The following CGGBP1 variants were observed in gnomAD, a reference collection of about 807,000 sequenced individuals.
The protein encoded by CGGBP1 is CGG triplet repeat-binding protein 1.
In CGGBP1, 4 loss-of-function variants were observed where a neutral mutation model predicts 11.4. The observed-to-expected ratio is 0.35, with a 90% confidence interval of 0.17 to 0.80. The LOEUF (loss-of-function observed/expected upper bound fraction) is 0.80. Ranked by LOEUF, CGGBP1 falls within the 30% of genes least tolerant of loss-of-function variation. CGGBP1 has a pLI of 0.52. For missense variants in CGGBP1, 135 were observed against 202.1 expected (o/e 0.67, Z 2.01); for synonymous variants, 76 against 74.1 (o/e 1.03, Z -0.13).
chr3:88,093,430 A>G (rs1159453295), intron 2 of CGGBP1, among the ~76,000 whole-genome samples: 3 of 152,212 alleles, frequency 2.0e-5, no homozygotes, highest in Non-Finnish European at 4.4e-5. Flanking sequence ...GTTATGGGAC[A>G]GCAGGTATTT....
intron 1 of CGGBP1, among the ~76,000 whole-genome samples, 164 bp downstream of exon 1, chr3:88,058,651 T>A (rs1473638092): frequency 6.6e-6 from 1 of 152,124 alleles, no homozygotes; most frequent in Non-Finnish European, 1.5e-5. Flanking sequence ...GGCAGGCGCC[T>A]GGCGGAGGCG....
rs1179371923 is a variant in CGGBP1, at chr3:88,052,203, GA to G, written c.*3269del. On this transcript the variant is annotated 3_prime_UTR_variant, in exon 4 of 4. Transcript: ENST00000482016. ...CTAGATAAGAATTGTATTTACCTAA[GA>G]AATCTATGATAGTGTGGGTGGAGAT... The G allele has an allele frequency of 2.0e-5, 3 of 152,546 alleles. No homozygotes were observed. Among genetic ancestry groups the G allele is most frequent in the African/African-American group, 7.2e-5 (3 of 41,424 alleles). 9.4% of individuals were successfully genotyped at this position (152,546 alleles called of 1,614,324 possible).
upstream of CGGBP1, chr3:88,059,052 C>T (rs938453687): frequency 5.0e-5 from 30 of 595,172 alleles, no homozygotes; most frequent in Non-Finnish European, 7.7e-5. Flanking sequence ...CAGCATTGAC[C>T]AACAGACGGC....
chr3:88,112,210 T>C (rs1464212721), intron 2 of CGGBP1, among the ~76,000 whole-genome samples: 1 of 151,836 alleles, frequency 6.6e-6, no homozygotes, highest in East Asian at 1.9e-4. Flanking sequence ...TATATAATTT[T>C]AAAAGCATAT....
At chr3:88,135,925 A>G (rs1441928705) in intron 2 of CGGBP1, among the ~76,000 whole-genome samples, 1 of 152,114 alleles carries the variant, frequency 6.6e-6, no homozygotes, top group Non-Finnish European at 1.5e-5. Context: ...TAAATAATAC[A>G]TTTTAATTTT....
At chr3:88,062,717 T>C (rs1706955583), upstream of CGGBP1, among the ~76,000 whole-genome samples, 1 of 152,230 alleles carries the variant, frequency 6.6e-6, no homozygotes, top group Non-Finnish European at 1.5e-5. Flanking sequence ...TTTGATATGT[T>C]GATTGAAATA....
chr3:88,059,517 G>T, upstream of CGGBP1: 1 of 1,463,028 alleles, frequency 6.8e-7, no homozygotes, highest in Non-Finnish European at 9.0e-7. Context: ...TGAGGCGTCC[G>T]TTGGCCGCCC....
chr3:88,129,553 G>T, intron 2 of CGGBP1: 1 of 683,634 alleles, frequency 1.5e-6, no homozygotes, highest in South Asian at 2.7e-5. Flanking sequence ...AAATATTTCT[G>T]TACAAGTCAT....
At chr3:88,059,578 C>T, upstream of CGGBP1, 1 of 1,442,206 alleles carries the variant, frequency 6.9e-7, no homozygotes, top group Non-Finnish European at 9.0e-7. Flanking sequence ...GTCTTCTCGT[C>T]CATGAATCTG....
intron 1 of CGGBP1, among the ~76,000 whole-genome samples, chr3:88,149,512 A>C (rs985298634): frequency 1.3e-5 from 2 of 152,270 alleles, no homozygotes; most frequent in African/African-American, 4.8e-5. Context: ...TATAATGTTA[A>C]ACAAAACTAA....
chr3:88,066,391 T>G (rs1156246724), intron 2 of CGGBP1, among the ~76,000 whole-genome samples: 2 of 151,922 alleles, frequency 1.3e-5, no homozygotes, highest in Admixed American at 1.3e-4. Context: ...CTGGGCAACA[T>G]GGTGAAACCC....
rs1273472302 is a variant in CGGBP1 at position 88,054,033 on chromosome 3, T to C, written c.*1440A>G. ...AAAAAAATCTTAAGACATGGAAAGC[T>C]GTTACTGAAAAATACACAATCTAAC... On this transcript the variant is annotated 3_prime_UTR_variant, in exon 4 of 4. Coordinates refer to ENST00000482016, the MANE Select transcript of CGGBP1 (RefSeq NM_001008390.2). 2 of 152,612 alleles carry C rather than the reference T, an allele frequency of 1.3e-5. No individual in the cohort carries two copies. Among genetic ancestry groups the C allele is most frequent in the African/African-American group, 4.8e-5 (2 of 41,472 alleles). The allele number at this position is 152,612 out of a possible 1,614,324, so 9.5% of individuals were successfully genotyped here.
intron 2 of CGGBP1, among the ~76,000 whole-genome samples, chr3:88,084,369 G>A (rs1708233120): frequency 6.6e-6 from 1 of 152,134 alleles, no homozygotes; most frequent in African/African-American, 2.4e-5. Flanking sequence ...CCGGAGTAGG[G>A]GTTTGGTAAC....
intron 2 of CGGBP1, among the ~76,000 whole-genome samples, chr3:88,106,734 T>C (rs189165949): frequency 6.6e-6 from 1 of 152,036 alleles, no homozygotes; most frequent in East Asian, 1.9e-4. Flanking sequence ...AATTAAAATA[T>C]GTTAATGTTC....
At position 88,131,290 on chromosome 3, in the gene CGGBP1, T is replaced by C. The variant is rs1385198582; in HGVS notation, c.-229+9680A>G. 3.9e-5 allele frequency among the ~76,000 whole-genome samples: 6 copies of C among 152,358 alleles called. No homozygotes were observed. The South Asian group carries it at 1.0e-3, about 26-fold the overall frequency. ...CCACTGTTGTATACGCAGTCTTCTGTTCACTGAAATGTTGTTACACTGCGT... is the reference window on the plus strand; with the variant it reads ...CCACTGTTGTATACGCAGTCTTCTGCTCACTGAAATGTTGTTACACTGCGT... On this transcript the variant is annotated intron_variant, in intron 2 of 3. Transcript: ENST00000462901.
chr3:88,134,490 T>C (rs572498408), intron 2 of CGGBP1, among the ~76,000 whole-genome samples: 8 of 152,158 alleles, frequency 5.3e-5, no homozygotes, highest in African/African-American at 1.9e-4. Context: ...GTGCATCAAA[T>C]AACAGTGGTC....
chr3:88,142,130 A>T (rs1378376314), intron 1 of CGGBP1: 1 of 152,674 alleles, frequency 6.5e-6, no homozygotes, highest in African/African-American at 2.4e-5. Context: ...CCTTCTGGTT[A>T]AACATGGTTT....
Position 88,138,890 on chromosome 3 carries a change from G to A in CGGBP1, c.-229+2080C>T, listed in dbSNP as rs1238252165. 8.1e-6 allele frequency: 10 copies of A among 1,232,986 alleles called. 1 individual carries two copies. Among genetic ancestry groups the A allele is most frequent in the South Asian group, 4.1e-5 (1 of 24,362 alleles). 76.4% of individuals were successfully genotyped at this position (1,232,986 alleles called of 1,614,324 possible). ...TTTTTCTGGAGCGCTCCTTAGAAGCGTATCGTACTGTTGAAGAGCTTTACA... is the reference window on the plus strand; with the variant it reads ...TTTTTCTGGAGCGCTCCTTAGAAGCATATCGTACTGTTGAAGAGCTTTACA... On this transcript the variant is annotated intron_variant, in intron 2 of 3. Coordinates refer to the CGGBP1 transcript ENST00000462901.
upstream of CGGBP1, among the ~76,000 whole-genome samples, chr3:88,060,118 CT>C (rs751685622): frequency 6.0e-5 from 9 of 151,208 alleles, no homozygotes; most frequent in African/African-American, 1.5e-4. Flanking sequence ...ATGTGATTGT[CT>C]TTTTTTTTAA....
Sources: gnomAD v4.1 joint callset for allele counts (sites outside exome capture counted in the v4.1 genomes callset) on GRCh38, gnomAD v4.1.1 for gene constraint, MANE v1.5 for transcripts, NCBI Gene and HGNC (gene_info 2026-07-23, HGNC 2026-07-21) for gene names.